FANCC: variants seen among roughly 807,000 people sequenced by gnomAD.
The protein encoded by FANCC is FA complementation group C.
FANCC carries 55 observed loss-of-function variants against 71.3 expected under a neutral mutation model. The ratio of observed to expected loss-of-function variants is 0.77; its 90% CI spans 0.62 to 0.97. FANCC has a LOEUF of 0.97. FANCC is among the 50% of genes least tolerant of loss of function. FANCC has a pLI of 0.00. For missense variants in FANCC, 678 were observed against 670.9 expected, an observed-to-expected ratio of 1.01 and a Z score of -0.12; for synonymous variants, 275 against 244.9, an observed-to-expected ratio of 1.12 and a Z score of -1.15.
chr9:95,250,636 A>G (rs1831270717), intron 1 of FANCC, among the ~76,000 whole-genome samples: 1 of 152,248 alleles, frequency 6.6e-6, no homozygotes, highest in African/African-American at 2.4e-5. Context: ...AAAAATCTAG[A>G]TAATGTCCAT....
intron 14 of FANCC, 42 bp from the exon 15 acceptor site, chr9:95,101,892 C>T: frequency 6.2e-7 from 1 of 1,611,998 alleles, no homozygotes; most frequent in African/African-American, 1.3e-5. Context: ...AAACACTTTC[C>T]AGACAGATTT....
intron 7 of FANCC, among the ~76,000 whole-genome samples, chr9:95,148,736 A>T (rs765948826): frequency 3.3e-5 from 5 of 152,264 alleles, no homozygotes; most frequent in Non-Finnish European, 7.3e-5. Flanking sequence ...GGCAAAAAAG[A>T]TCCATTGAAA....
chr9:95,289,515 C>T lies in FANCC; in HGVS notation c.-79+28011G>A, dbSNP rs74926531. On this transcript the variant is annotated intron_variant, in intron 1 of 14. Transcript: ENST00000289081. ...TAATAATTTCATGTGTCATCATCTA[C>T]AGGCTTATGATTGAGCTAAAATTCT... 9.7e-3 allele frequency among the ~76,000 whole-genome samples: 1,470 copies of T among 152,306 alleles called. 24 individuals carry two copies. The highest frequency in any genetic ancestry group is 0.034 in the African/African-American group (1,398 of 41,550).
chr9:95,148,299 A>T (rs1829835301), intron 7 of FANCC, among the ~76,000 whole-genome samples: 1 of 152,230 alleles, frequency 6.6e-6, no homozygotes. Flanking sequence ...AAAGCACTCC[A>T]CTTGTACACC....
intron 4 of FANCC, among the ~76,000 whole-genome samples, chr9:95,230,078 T>G (rs1429091718): frequency 6.8e-6 from 1 of 146,396 alleles, no homozygotes; most frequent in Non-Finnish European, 1.5e-5. Flanking sequence ...AATGGTTGCT[T>G]CCTTAATTAT....
intron 10 of FANCC, among the ~76,000 whole-genome samples, chr9:95,120,568 C>T (rs1052093225): frequency 1.4e-4 from 22 of 152,032 alleles, no homozygotes; most frequent in Non-Finnish European, 2.5e-4. Context: ...CATGCATCAC[C>T]ATGCCCAGCT....
At chr9:95,154,435 TAG>T (rs1281505532) in intron 6 of FANCC, among the ~76,000 whole-genome samples, 2 of 152,076 alleles carry the variant, frequency 1.3e-5, no homozygotes, top group South Asian at 2.1e-4. Flanking sequence ...TTGTAAAAGG[TAG>T]ATTCAATCTT....
intron 1 of FANCC, among the ~76,000 whole-genome samples, chr9:95,307,099 C>T (rs1027617909): frequency 4.6e-5 from 7 of 152,056 alleles, no homozygotes; most frequent in Non-Finnish European, 1.0e-4. Context: ...TGCCCAGGCT[C>T]GTCCTGAACT....
At chr9:95,238,244 G>A (rs990817673) in intron 4 of FANCC, among the ~76,000 whole-genome samples, 4 of 152,136 alleles carry the variant, frequency 2.6e-5, no homozygotes, top group African/African-American at 9.7e-5. Flanking sequence ...ATTCCCACAG[G>A]TGGCTGACTT....
intron 4 of FANCC, among the ~76,000 whole-genome samples, chr9:95,219,252 T>C (rs1244303444): frequency 6.6e-6 from 1 of 152,156 alleles, no homozygotes; most frequent in African/African-American, 2.4e-5. Context: ...GCTGAGTCTC[T>C]GTGAAGCAGC....
intron 1 of FANCC, among the ~76,000 whole-genome samples, chr9:95,257,425 A>G (rs1015258084): frequency 6.6e-6 from 1 of 152,234 alleles, no homozygotes; most frequent in Admixed American, 6.5e-5. Flanking sequence ...CTGCTCCTGA[A>G]TGACTACTGG....
chr9:95,303,250 C>T (rs568893197), intron 1 of FANCC, among the ~76,000 whole-genome samples: 123 of 152,294 alleles, frequency 8.1e-4, no homozygotes, highest in Non-Finnish European at 1.5e-3. Context: ...TATAATTAAA[C>T]GTACCTATTG....
intron 4 of FANCC, among the ~76,000 whole-genome samples, chr9:95,191,661 GCCCCTTTT>G (rs1827125279): frequency 6.6e-6 from 1 of 151,920 alleles, no homozygotes; most frequent in Non-Finnish European, 1.5e-5. Flanking sequence ...CCATCCCCAA[GCCCCTTTT>G]TCATCTTTGC....
At chr9:95,118,374 GC>G (rs1429342721) in intron 10 of FANCC, among the ~76,000 whole-genome samples, 2 of 152,228 alleles carry the variant, frequency 1.3e-5, no homozygotes, top group African/African-American at 4.8e-5. Flanking sequence ...CATTTCGAGG[GC>G]CAAAGAGCTA....
chr9:95,114,738 G>A, intron 11 of FANCC, 28 bp from the exon 12 acceptor site: 1 of 1,598,032 alleles, frequency 6.3e-7, no homozygotes, highest in Non-Finnish European at 8.6e-7. Flanking sequence ...TACGTCAGAG[G>A]GCAACTGAGG....
At chr9:95,246,243 G>A (rs138579556) in intron 3 of FANCC, among the ~76,000 whole-genome samples, 32 of 152,316 alleles carry the variant, frequency 2.1e-4, no homozygotes, top group African/African-American at 7.7e-4. Flanking sequence ...AGAGGTATAA[G>A]TGGGAAGGAG....
intron 1 of FANCC, among the ~76,000 whole-genome samples, chr9:95,305,411 G>A (rs992681011): frequency 1.3e-5 from 2 of 152,124 alleles, no homozygotes. Context: ...GATTAAGACT[G>A]GTACAGGTTT....
Position 95,133,660 on chromosome 9 carries a change from A to G in FANCC, c.843+1686T>C, listed in dbSNP as rs4647511. 6.8e-3 allele frequency among the ~76,000 whole-genome samples: 1,029 copies of G among 152,352 alleles called. 4 individuals are homozygous for G. Among genetic ancestry groups the G allele is most frequent in the Non-Finnish European group, 0.011 (763 of 68,022 alleles). ...TTAAGGAAAGGCTGGAAAAAAGGCA[A>G]TGGGACTAGAATTTTTCAATAGGGA... On this transcript the variant is annotated intron_variant, in intron 8 of 14. Coordinates refer to ENST00000289081, the MANE Select transcript of FANCC (RefSeq NM_000136.3).
intron 1 of FANCC, among the ~76,000 whole-genome samples, chr9:95,269,870 G>C (rs888356993): frequency 8.5e-5 from 13 of 152,108 alleles, no homozygotes; most frequent in Non-Finnish European, 1.9e-4. Context: ...TATAGAGAAA[G>C]AAATAAGGGG....
Sources: gnomAD v4.1 joint callset for allele counts (sites outside exome capture counted in the v4.1 genomes callset) on GRCh38, gnomAD v4.1.1 for gene constraint, MANE v1.5 for transcripts, NCBI Gene and HGNC (gene_info 2026-07-23, HGNC 2026-07-21) for gene names.